The following TENM4 variants were observed in gnomAD, a reference collection of about 807,000 sequenced individuals.
The protein encoded by TENM4 is teneurin transmembrane protein 4.
Under a neutral mutation model 243.3 loss-of-function variants are expected in TENM4, and 82 were observed. The ratio of observed to expected loss-of-function variants is 0.34; its 90% confidence interval spans 0.28 to 0.40. The LOEUF is 0.40. TENM4 is among the 10% of genes least tolerant of loss of function. The pLI is 1.00. For synonymous variants in TENM4, 1,412 were observed against 1,456.3 expected (o/e 0.97, Z 0.69); for missense variants, 3,138 against 3,673.3 (o/e 0.85, Z 3.77).
intron 1 of TENM4, among the ~76,000 whole-genome samples, chr11:79,437,334 G>A (rs150983391): frequency 6.6e-6 from 1 of 152,316 alleles, no homozygotes; most frequent in Non-Finnish European, 1.5e-5. Flanking sequence ...GACGAGAAGG[G>A]CTCCCCCGCT....
At chr11:78,754,435 A>AGG (rs1450783116) in intron 19 of TENM4, among the ~76,000 whole-genome samples, 15 of 152,282 alleles carry the variant, frequency 9.9e-5, no homozygotes, top group Non-Finnish European at 1.6e-4. Flanking sequence ...GAGGACATAC[A>AGG]GGAGACGTGT....
intron 3 of TENM4, among the ~76,000 whole-genome samples, chr11:79,198,859 G>T (rs1863687387): frequency 6.6e-6 from 1 of 152,176 alleles, no homozygotes; most frequent in East Asian, 1.9e-4. Context: ...GGGACTAGGA[G>T]AAAGATTAAA....
intron 25 of TENM4, among the ~76,000 whole-genome samples, chr11:78,716,278 A>G (rs1859519123): frequency 6.6e-6 from 1 of 152,150 alleles, no homozygotes; most frequent in African/African-American, 2.4e-5. Flanking sequence ...GGTTCAGCTT[A>G]TCTGTAATCC....
In TENM4 at chr11:78,920,842, A is replaced by T. The variant is rs957158223; in HGVS notation, c.494-17319T>A. Among the ~76,000 whole-genome samples the T allele has an allele frequency of 3.9e-5, 6 of 152,268 alleles. No homozygotes were observed. In the East Asian group the frequency reaches 1.2e-3, roughly 29 times the overall value. ...ATTTGAGTCTGTGGCTGTTTTCATGACCCTTCCTTGTGTCAGGTCAACCAA... is the reference window on the plus strand; with the variant it reads ...ATTTGAGTCTGTGGCTGTTTTCATGTCCCTTCCTTGTGTCAGGTCAACCAA... On this transcript the variant is annotated intron_variant, in intron 6 of 33. Transcript: ENST00000278550.
intron 1 of TENM4, among the ~76,000 whole-genome samples, chr11:79,395,712 T>A (rs1183504762): frequency 1.3e-5 from 2 of 150,758 alleles, no homozygotes; most frequent in Admixed American, 1.3e-4. Flanking sequence ...TGCCCACTCC[T>A]CTTTTAGAAA....
rs576027233 is a variant in TENM4, at chr11:79,342,114, C to T, written c.-320-44571G>A. ...CCACAATCACAGAGGACACTGAGAC[C>T]CCACAGGCAGCTATTGCACCCCACT... On this transcript the variant is annotated intron_variant, in intron 1 of 33. Coordinates refer to ENST00000278550, the MANE Select transcript of TENM4 (RefSeq NM_001098816.3). Among the ~76,000 whole-genome samples the T allele has an allele frequency of 4.6e-5, 7 of 152,264 alleles. No individual in the cohort carries two copies. The South Asian group carries it at 1.5e-3, about 32-fold the overall frequency.
At chr11:79,179,631 G>C (rs2135136287) in intron 3 of TENM4, among the ~76,000 whole-genome samples, 1 of 150,954 alleles carries the variant, frequency 6.6e-6, no homozygotes, top group South Asian at 2.1e-4. Context: ...TTGAGAATGA[G>C]TCATGGATGT....
At chr11:79,178,289 G>A (rs1863208996) in intron 3 of TENM4, among the ~76,000 whole-genome samples, 1 of 152,174 alleles carries the variant, frequency 6.6e-6, no homozygotes, top group Non-Finnish European at 1.5e-5. Context: ...CCTGTTTAGA[G>A]GGATATATAA....
rs1328043041 is a variant in TENM4 at position 78,810,552 on chromosome 11, A to AT, written c.1978+1569dup. On this transcript the variant is annotated intron_variant, in intron 14 of 33. Transcript: ENST00000278550. ...GCAGATGAAGGTCACCATTCTCTGGATAAAAAGGCCCAGTTCCTTTGTTAA... is the reference window on the plus strand; with the variant it reads ...GCAGATGAAGGTCACCATTCTCTGGATTAAAAAGGCCCAGTTCCTTTGTTAA... 4.6e-5 allele frequency among the ~76,000 whole-genome samples: 7 copies of AT among 152,298 alleles called. No individual in the cohort carries two copies. The East Asian group carries it at 1.4e-3, about 29-fold the overall frequency.
At chr11:79,233,870 A>T (rs369818237) in intron 2 of TENM4, among the ~76,000 whole-genome samples, 65 of 152,210 alleles carry the variant, frequency 4.3e-4, no homozygotes, top group Non-Finnish European at 6.2e-4. Flanking sequence ...CAATGAGCGA[A>T]AAGGAAGAGG....
In TENM4 at chr11:78,653,967, T is replaced by G. The variant is rs1485163485; in HGVS notation, c.*4091A>C. On this transcript the variant is annotated 3_prime_UTR_variant, in exon 34 of 34. Coordinates refer to ENST00000278550, the MANE Select transcript of TENM4 (RefSeq NM_001098816.3). ...AGGTTTCTCTCTATCACCTCAGCAATGAGTCTTTAAAATGAGTTTGCTGTT... is the reference window on the plus strand; with the variant it reads ...AGGTTTCTCTCTATCACCTCAGCAAGGAGTCTTTAAAATGAGTTTGCTGTT... 1 of 152,236 alleles carries G rather than the reference T, an allele frequency of 6.6e-6. No homozygotes were observed. Among genetic ancestry groups the G allele is most frequent in the African/African-American group, 2.4e-5 (1 of 41,456 alleles). 9.4% of individuals were successfully genotyped at this position (152,236 alleles called of 1,614,324 possible).
At chr11:79,036,848 A>C (rs1859393675) in intron 6 of TENM4, among the ~76,000 whole-genome samples, 1 of 151,920 alleles carries the variant, frequency 6.6e-6, no homozygotes, top group Admixed American at 6.6e-5. Flanking sequence ...TGTCTCTACT[A>C]AAAATACAAA....
intron 18 of TENM4, among the ~76,000 whole-genome samples, chr11:78,761,848 C>A (rs541970831): frequency 6.6e-6 from 1 of 152,230 alleles, no homozygotes; most frequent in South Asian, 2.1e-4. Flanking sequence ...CAACCTCCCA[C>A]TGTGGATGTG....
chr11:79,388,166 A>T (rs1335753591), intron 1 of TENM4, among the ~76,000 whole-genome samples: 1 of 152,222 alleles, frequency 6.6e-6, no homozygotes, highest in Non-Finnish European at 1.5e-5. Flanking sequence ...GGCCCCAGCA[A>T]CAGAGATGTG....
intron 21 of TENM4, among the ~76,000 whole-genome samples, 168 bp downstream of exon 21, chr11:78,732,148 C>T (rs1284487022): frequency 3.9e-5 from 6 of 152,208 alleles, no homozygotes; most frequent in African/African-American, 4.8e-5. Context: ...CATGCCCTTA[C>T]ACCATGCCTG....
chr11:79,235,099 G>A (rs1421199646), intron 2 of TENM4, among the ~76,000 whole-genome samples: 1 of 151,982 alleles, frequency 6.6e-6, no homozygotes, highest in Non-Finnish European at 1.5e-5. Context: ...GGATCATGAG[G>A]TCAGGAGATA....
At chr11:79,008,718 T>C (rs755177894) in intron 6 of TENM4, among the ~76,000 whole-genome samples, 5 of 152,140 alleles carry the variant, frequency 3.3e-5, no homozygotes, top group Non-Finnish European at 7.3e-5. Flanking sequence ...ATCATGAACA[T>C]CTGGTAACAT....
chr11:79,056,725 T>C (rs373246629), intron 6 of TENM4, among the ~76,000 whole-genome samples: 1 of 152,164 alleles, frequency 6.6e-6, no homozygotes, highest in African/African-American at 2.4e-5. Flanking sequence ...CAAGATGATC[T>C]GCAGCAGGAT....
intron 2 of TENM4, among the ~76,000 whole-genome samples, chr11:79,221,733 A>T (rs1864159840): frequency 6.6e-6 from 1 of 152,214 alleles, no homozygotes; most frequent in Non-Finnish European, 1.5e-5. Context: ...TTTAATGCAC[A>T]CAAGGGGAAA....
Sources: allele counts gnomAD v4.1 joint callset (sites outside exome capture counted in the v4.1 genomes callset), GRCh38; gene constraint gnomAD v4.1.1; transcripts MANE v1.5; gene names NCBI Gene and HGNC (gene_info 2026-07-23, HGNC 2026-07-21).